The following CDC42BPA variants were observed in gnomAD, a reference collection of about 807,000 sequenced individuals.
The protein encoded by CDC42BPA is serine/threonine-protein kinase MRCK alpha.
In CDC42BPA, 80 loss-of-function variants were observed where a neutral mutation model predicts 223.5. The ratio of observed to expected loss-of-function variants is 0.36; its 90% CI spans 0.30 to 0.43. The LOEUF (loss-of-function observed/expected upper bound fraction) is 0.43, where lower values mean the gene tolerates loss of function less well. Ranked by LOEUF, CDC42BPA falls within the 20% of genes least tolerant of loss-of-function variation. The pLI, the probability that CDC42BPA is intolerant of heterozygous loss-of-function variation, is 1.00. For missense variants in CDC42BPA, 1,743 were observed against 2,099.9 expected, an observed-to-expected ratio of 0.83 and a Z score of 3.32; for synonymous variants, 694 against 718.6, an observed-to-expected ratio of 0.97 and a Z score of 0.55.
intron 1 of CDC42BPA, among the ~76,000 whole-genome samples, chr1:227,256,972 CA>C (rs1266265322): frequency 6.6e-6 from 1 of 151,714 alleles, no homozygotes; most frequent in African/African-American, 2.4e-5. Context: ...CACACACACA[CA>C]CACACACACA....
intron 2 of CDC42BPA, among the ~76,000 whole-genome samples, chr1:227,229,117 C>A (rs562110659): frequency 6.6e-6 from 1 of 152,090 alleles, no homozygotes; most frequent in Middle Eastern, 3.2e-3. Flanking sequence ...AAAATTTACA[C>A]CTATGTTTCC....
rs763473753 is a variant in CDC42BPA at position 227,145,516 on chromosome 1, A to G, written c.1116T>C (p.Asp372=). 2.4e-5 allele frequency: 38 copies of G among 1,613,328 alleles called. No individual in the cohort carries two copies. In the East Asian group the frequency reaches 7.6e-4, roughly 32 times the overall value. ...AATTTTTTAAACAATCATCATCTACATCAAAATTCGATGTATCTGTTGGGC... is the reference window on the plus strand; with the variant it reads ...AATTTTTTAAACAATCATCATCTACGTCAAAATTCGATGTATCTGTTGGGC... ...VSSPTDTSNF[D]VDDDCLKNSE... is the part of the protein sequence containing the mutation. Residue 372 remains aspartate, a synonymous_variant, in exon 8 of 37, where the codon GAT becomes GAC. Transcript: ENST00000366766.
intron 19 of CDC42BPA, among the ~76,000 whole-genome samples, chr1:227,072,708 C>G (rs929150354): frequency 5.3e-5 from 8 of 151,884 alleles, no homozygotes; most frequent in African/African-American, 1.9e-4. Context: ...GATATTATAC[C>G]ATTACAGGCA....
At chr1:227,092,506 C>T (rs1034340877) in intron 15 of CDC42BPA, among the ~76,000 whole-genome samples, 3 of 152,118 alleles carry the variant, frequency 2.0e-5, no homozygotes, top group Non-Finnish European at 4.4e-5. Flanking sequence ...TATCCAAAGG[C>T]AAATTAGTTT....
intron 1 of CDC42BPA, among the ~76,000 whole-genome samples, chr1:227,315,363 A>T (rs890204168): frequency 6.6e-6 from 1 of 152,192 alleles, no homozygotes; most frequent in Non-Finnish European, 1.5e-5. Flanking sequence ...CTACTTACCT[A>T]AACTCTAATA....
chr1:227,123,261 C>T (rs1688982640), intron 11 of CDC42BPA, among the ~76,000 whole-genome samples: 1 of 152,176 alleles, frequency 6.6e-6, no homozygotes, highest in African/African-American at 2.4e-5. Context: ...AAGATTGCAT[C>T]GCTGCACTCC....
intron 26 of CDC42BPA, 58 bp downstream of exon 26, chr1:227,034,597 G>C: frequency 6.7e-7 from 1 of 1,484,912 alleles, no homozygotes; most frequent in Non-Finnish European, 9.1e-7. Context: ...TTGAAAATCA[G>C]AAACTTTAAA....
chr1:227,051,887 TG>T lies in CDC42BPA; in HGVS notation c.3002del (p.Pro1001GlnfsTer5). 7.3e-7 allele frequency: 1 copy of T among 1,365,596 alleles called. No homozygotes were observed. The highest frequency in any genetic ancestry group is 9.8e-7 in the Non-Finnish European group (1 of 1,020,976). 84.6% of individuals were successfully genotyped at this position (1,365,596 alleles called of 1,614,324 possible). A position where few individuals can be genotyped will look rare whatever the true frequency, so the allele number is the denominator to read the frequency against. ...GGATGCTCCAATAAGGCACCTTAAC[TG>T]GCTCAGCTTCACTAGATGTGGAAGG... ...TSPSTSSEAE[P>X]VKTVDSTPLS... On this transcript the variant is annotated frameshift_variant, in exon 22 of 37. Coordinates refer to ENST00000366766, the MANE Select transcript of CDC42BPA (RefSeq NM_001394014.1). LOFTEE classifies it high-confidence loss of function.
chr1:227,286,843 G>A (rs1177970470), intron 1 of CDC42BPA, among the ~76,000 whole-genome samples: 1 of 152,200 alleles, frequency 6.6e-6, no homozygotes, highest in Non-Finnish European at 1.5e-5. Context: ...TGATGCAAAA[G>A]TAATTGCGGT....
chr1:227,001,868 C>T (rs976559698), intron 35 of CDC42BPA, among the ~76,000 whole-genome samples: 2 of 152,024 alleles, frequency 1.3e-5, no homozygotes, highest in Non-Finnish European at 1.5e-5. Flanking sequence ...GATCGTGCCA[C>T]TGCACTCGAG....
Position 226,992,091 on chromosome 1 carries a change from G to A in CDC42BPA, c.*2177C>T, listed in dbSNP as rs1265730842. The A allele has an allele frequency of 1.3e-5, 2 of 151,498 alleles. No homozygotes were observed. The highest frequency in any genetic ancestry group is 3.1e-3 in the Middle Eastern group (1 of 318). The allele number at this position is 151,498 out of a possible 1,614,324, so 9.4% of individuals were successfully genotyped here. The stretch of plus-strand genomic sequence containing the variant: ...AGAGGAGAGAAGGGTGGACAGAAGG[G>A]GTGCGAGCTGGTCACGAGCACCAAG... On this transcript the variant is annotated 3_prime_UTR_variant, in exon 37 of 37. Transcript: ENST00000366766.
chr1:227,197,356 T>G (rs1572287647), intron 4 of CDC42BPA, among the ~76,000 whole-genome samples: 1 of 152,120 alleles, frequency 6.6e-6, no homozygotes, highest in Non-Finnish European at 1.5e-5. Context: ...TGAATGAATA[T>G]ATGATGAAGG....
Position 227,016,200 on chromosome 1 carries a change from G to GT in CDC42BPA, c.4740-4dup. On this transcript the variant is annotated splice_polypyrimidine_tract_variant and splice_region_variant and intron_variant, in intron 33 of 36. Transcript: ENST00000366766. Reference sequence around the variant, plus strand: ...TTTCTGGATCTCGTAGCATTTCCCTGTAAGACAAGGCATCTGTTTAGATAC... The same window carrying GT: ...TTTCTGGATCTCGTAGCATTTCCCTGTTAAGACAAGGCATCTGTTTAGATAC... The GT allele has an allele frequency of 7.1e-7, 1 of 1,405,384 alleles. No individual in the cohort carries two copies. The highest frequency in any genetic ancestry group is 1.0e-6 in the Non-Finnish European group (1 of 991,066). 87.1% of individuals were successfully genotyped at this position (1,405,384 alleles called of 1,614,324 possible).
rs1378131792 is a variant in CDC42BPA at position 226,993,649 on chromosome 1, TCTTA to T, written c.*615_*618del. The T allele has an allele frequency of 6.5e-5, 10 of 152,822 alleles. No individual in the cohort carries two copies. The highest frequency in any genetic ancestry group is 2.4e-4 in the African/African-American group (10 of 41,582). 9.5% of individuals were successfully genotyped at this position (152,822 alleles called of 1,614,324 possible). ...ATATTTCTTTAAATTAAATCATCTC[TCTTA>T]TATATGCATCCATCTTTTGTTGAAT... On this transcript the variant is annotated 3_prime_UTR_variant, in exon 37 of 37. Coordinates refer to ENST00000366766, the MANE Select transcript of CDC42BPA (RefSeq NM_001394014.1).
intron 10 of CDC42BPA, among the ~76,000 whole-genome samples, chr1:227,132,729 C>T (rs947567618): frequency 6.6e-6 from 1 of 151,656 alleles, no homozygotes; most frequent in Admixed American, 6.6e-5. Context: ...AAGTGAGGAG[C>T]GTCTCTGCCC....
At chr1:227,292,161 T>G (rs2148661526) in intron 1 of CDC42BPA, among the ~76,000 whole-genome samples, 1 of 152,254 alleles carries the variant, frequency 6.6e-6, no homozygotes, top group East Asian at 1.9e-4. Flanking sequence ...TTTTGTATTC[T>G]TAGTAGAGAT....
chr1:227,200,546 A>C (rs1368613607), intron 3 of CDC42BPA, among the ~76,000 whole-genome samples: 1 of 150,996 alleles, frequency 6.6e-6, no homozygotes, highest in Non-Finnish European at 1.5e-5. Flanking sequence ...TTTTCTCAAG[A>C]ATGACTGTTC....
At chr1:227,090,815 A>C (rs1682938334) in intron 16 of CDC42BPA, among the ~76,000 whole-genome samples, 1 of 152,190 alleles carries the variant, frequency 6.6e-6, no homozygotes, top group African/African-American at 2.4e-5. Context: ...TATCAAAACA[A>C]ACAAACAATA....
chr1:227,008,939 T>C (rs369752146), intron 34 of CDC42BPA, among the ~76,000 whole-genome samples: 2 of 152,124 alleles, frequency 1.3e-5, no homozygotes, highest in African/African-American at 2.4e-5. Flanking sequence ...CAGACACATA[T>C]ACAAGAGCAA....
Sources: gnomAD v4.1 joint callset for allele counts (sites outside exome capture counted in the v4.1 genomes callset) on GRCh38, gnomAD v4.1.1 for gene constraint, MANE v1.5 for transcripts, NCBI Gene and HGNC (gene_info 2026-07-23, HGNC 2026-07-21) for gene names.